Variants in KCTD13 observed in about 807,000 individuals in gnomAD.
The protein encoded by KCTD13 is potassium channel tetramerization domain containing 13.
Under a neutral mutation model 32.3 loss-of-function variants are expected in KCTD13, and 15 were observed. The ratio of observed to expected loss-of-function variants is 0.46; its 90% CI spans 0.31 to 0.71. The LOEUF is 0.71. Ranked by LOEUF, KCTD13 falls within the 30% of genes least tolerant of loss-of-function variation. The pLI is 0.05. For missense variants in KCTD13, 337 were observed against 452.6 expected (o/e 0.74, Z 2.32); for synonymous variants, 189 against 200.1 (o/e 0.94, Z 0.47).
chr16:29,912,327 G>A (rs2068728734), intron 2 of KCTD13: 3 of 527,292 alleles, frequency 5.7e-6, no homozygotes, highest in Admixed American at 7.6e-5. Flanking sequence ...TGTCAGCGTG[G>A]CGTGTCCGTC....
chr16:29,911,085 C>T lies in KCTD13; in HGVS notation c.646G>A (p.Val216Ile). ...CAGCAGCAGATCTCGTCCCCCAGGA[C>T]ATCCTTGAGGAAGAGTAGCCGCCCG... ...FHGRLLFLKD[V>I]LGDEICCWSF... The change falls in exon 5 of 6, where the codon GTC becomes ATC. Residue 216 changes from valine to isoleucine, a missense_variant. Transcript: ENST00000568000. 1 of 1,614,208 alleles carries T rather than the reference C, an allele frequency of 6.2e-7. No individual in the cohort carries two copies. The highest frequency in any genetic ancestry group is 1.1e-5 in the South Asian group (1 of 91,088).
intron 5 of KCTD13, among the ~76,000 whole-genome samples, chr16:29,909,375 TG>T (rs2068666297): frequency 6.6e-6 from 1 of 152,188 alleles, no homozygotes; most frequent in South Asian, 2.1e-4. Context: ...GGCAACAGTG[TG>T]TGCAGAGGTA....
chr16:29,910,483 A>T (rs1567440328), intron 5 of KCTD13, among the ~76,000 whole-genome samples: 2 of 152,096 alleles, frequency 1.3e-5, no homozygotes, highest in African/African-American at 4.8e-5. Flanking sequence ...CTGGGATTAC[A>T]GGTGCATGCC....
chr16:29,918,644 T>TA (rs2068852419), intron 2 of KCTD13, among the ~76,000 whole-genome samples: 1 of 151,722 alleles, frequency 6.6e-6, no homozygotes. Flanking sequence ...CTAATTTTTG[T>TA]AATTTTTTAT....
chr16:29,909,463 G>A (rs1482241865), intron 5 of KCTD13, among the ~76,000 whole-genome samples: 1 of 152,174 alleles, frequency 6.6e-6, no homozygotes, highest in Admixed American at 6.5e-5. Context: ...CTCATAGTAA[G>A]CTCGGAAGGG....
intron 4 of KCTD13, 180 bp from the exon 5 acceptor site, chr16:29,911,353 C>A (rs962887594): frequency 4.9e-6 from 3 of 610,264 alleles, no homozygotes; most frequent in Non-Finnish European, 8.7e-6. Context: ...AAGCCACATG[C>A]GCTGAGCAAA....
chr16:29,907,118 G>A lies in KCTD13; in HGVS notation c.754-10C>T. On this transcript the variant is annotated splice_polypyrimidine_tract_variant and intron_variant, in intron 5 of 5. Coordinates refer to ENST00000568000, the MANE Select transcript of KCTD13 (RefSeq NM_178863.5). ...CCTCTGGAAATTCCACCTGCAAAAG[G>A]CCAGCCGGCCCCAGCTCCTTCCTTC... 1 of 1,585,812 alleles carries A rather than the reference G, an allele frequency of 6.3e-7. No homozygotes were observed. Among genetic ancestry groups the A allele is most frequent in the Non-Finnish European group, 8.6e-7 (1 of 1,158,948 alleles).
At chr16:29,923,079 A>G in intron 2 of KCTD13, 111 bp downstream of exon 2, 2 of 1,232,758 alleles carry the variant, frequency 1.6e-6, no homozygotes, top group Non-Finnish European at 2.2e-6. Context: ...GGTTATGGCC[A>G]GCCAAAGCCA....
Position 29,911,128 on chromosome 16 carries a change from C to T in KCTD13, c.603G>A (p.Lys201=), listed in dbSNP as rs771347523. The T allele has an allele frequency of 3.7e-6, 6 of 1,614,038 alleles. No individual in the cohort carries two copies. The highest frequency in any genetic ancestry group is 5.1e-6 in the Non-Finnish European group (6 of 1,180,008). ...GCCGCCCGTGGAAGCGCAGGGCCAG[C>T]TTGTCGAACAGCTCGATGTTCTTAA... is the stretch of plus-strand genomic sequence containing the variant. ...NLLKNIELFD[K]LALRFHGRLL... The change falls in exon 5 of 6, where the codon AAG becomes AAA. Residue 201 remains lysine (K), a synonymous_variant. Transcript: ENST00000568000.
At position 29,906,907 on chromosome 16, in the gene KCTD13, G is replaced by A. The variant is rs973373938; in HGVS notation, c.955C>T (p.Arg319Cys). Reference protein sequence around the residue: ...HVRRHITHDERPHGQQIVFKD With the variant: ...HVRRHITHDECPHGQQIVFKD ...AAGACAATTTGTTGGCCATGAGGAC[G>A]CTCGTCGTGGGTGATATGGCGCCGG... Residue 319 changes from arginine to cysteine, a missense_variant, in exon 6 of 6, where the codon CGT becomes TGT. Transcript: ENST00000568000. 5 of 1,614,140 alleles carry A rather than the reference G, an allele frequency of 3.1e-6. No homozygotes were observed. The highest frequency in any genetic ancestry group is 2.2e-5 in the East Asian group (1 of 44,870).
chr16:29,917,501 G>T (rs1356829073), intron 2 of KCTD13, among the ~76,000 whole-genome samples: 2 of 152,064 alleles, frequency 1.3e-5, no homozygotes, highest in Non-Finnish European at 2.9e-5. Flanking sequence ...ACAAAAATTA[G>T]ACGGGTGTGG....
chr16:29,911,154 G>T lies in KCTD13; in HGVS notation c.577C>A (p.Leu193Ile), dbSNP rs2068701225. 1 of 1,613,956 alleles carries T rather than the reference G, an allele frequency of 6.2e-7. No individual in the cohort carries two copies. Among genetic ancestry groups the T allele is most frequent in the Non-Finnish European group, 8.5e-7 (1 of 1,179,988 alleles). The change falls in exon 5 of 6, where the codon CTT becomes ATT. Residue 193 changes from leucine (L) to isoleucine (I), a missense_variant. By Grantham distance (5) the Leu-to-Ile change is conservative. Coordinates refer to ENST00000568000, the MANE Select transcript of KCTD13 (RefSeq NM_178863.5). Reference sequence around the variant, plus strand: ...TTGTCGAACAGCTCGATGTTCTTAAGTAGGTTGTCATCTGAAGTGCTGGGG... The same window carrying T: ...TTGTCGAACAGCTCGATGTTCTTAATTAGGTTGTCATCTGAAGTGCTGGGG... Reference protein sequence around the residue: ...SYTSTSDDNLLKNIELFDKLA... With the variant: ...SYTSTSDDNLIKNIELFDKLA...
chr16:29,914,493 A>G (rs1047793289), intron 2 of KCTD13: 10 of 146,980 alleles, frequency 6.8e-5, no homozygotes, highest in African/African-American at 2.5e-4. Flanking sequence ...TGAAGTGCAG[A>G]GCCACCACCA....
intron 1 of KCTD13, among the ~76,000 whole-genome samples, chr16:29,924,286 C>T (rs1020499094): frequency 1.3e-5 from 2 of 152,140 alleles, no homozygotes; most frequent in Non-Finnish European, 2.9e-5. Context: ...CTCTTTAAAA[C>T]ATCTCCAGCG....
intron 5 of KCTD13, among the ~76,000 whole-genome samples, 189 bp from the exon 6 acceptor site, chr16:29,907,297 G>A (rs2068630539): frequency 1.3e-5 from 2 of 152,204 alleles, no homozygotes; most frequent in African/African-American, 4.8e-5. Context: ...AAGTCAGGCA[G>A]GCAGAATTAT....
chr16:29,910,179 C>T (rs2068681635), intron 5 of KCTD13, among the ~76,000 whole-genome samples: 1 of 151,098 alleles, frequency 6.6e-6, no homozygotes, highest in Admixed American at 6.6e-5. Context: ...GTGGGTGGAT[C>T]ACGAGGTCAA....
At chr16:29,911,217 C>T in intron 4 of KCTD13, 44 bp from the exon 5 acceptor site, 1 of 1,485,574 alleles carries the variant, frequency 6.7e-7, no homozygotes. Flanking sequence ...GTTGGCACCC[C>T]TCCCTCTGTA....
chr16:29,912,373 C>T (rs1351166383), intron 2 of KCTD13: 1 of 438,886 alleles, frequency 2.3e-6, no homozygotes, highest in Non-Finnish European at 4.0e-6. Context: ...AGTGCCTCCT[C>T]AGGGCCAGCC....
intron 2 of KCTD13, chr16:29,912,297 G>A (rs758646798): frequency 6.8e-5 from 38 of 560,994 alleles, no homozygotes; most frequent in Admixed American, 1.4e-4. Flanking sequence ...GCCCCTGCCC[G>A]GGATGCTTCT....
Sources: allele counts gnomAD v4.1 joint callset (sites outside exome capture counted in the v4.1 genomes callset), GRCh38; gene constraint gnomAD v4.1.1; transcripts MANE v1.5; gene names NCBI Gene and HGNC (gene_info 2026-07-23, HGNC 2026-07-21).